Variants in EIF3A observed in about 807,000 individuals in gnomAD.
The protein encoded by EIF3A is eukaryotic translation initiation factor 3 subunit A.
EIF3A carries 21 observed loss-of-function variants against 186.6 expected under a neutral mutation model. The observed-to-expected ratio is 0.11, with a 90% CI of 0.08 to 0.16. The LOEUF is 0.16. Among genes scored for constraint, EIF3A ranks in the 10% least tolerant of loss-of-function variants. The pLI is 1.00. For synonymous variants in EIF3A, 563 were observed against 584.3 expected (o/e 0.96, Z 0.52); for missense variants, 1,306 against 1,796.3 (o/e 0.73, Z 4.93).
At chr10:119,048,165 G>GAGTAC (rs3061122) in intron 17 of EIF3A, among the ~76,000 whole-genome samples, 9,696 of 152,012 alleles carry the variant, frequency 0.064, 581 homozygotes, top group African/African-American at 0.16. Context: ...ACCAACCAAT[G>GAGTAC]AAAGGTCTGA....
intron 9 of EIF3A, chr10:119,060,251 C>T (rs1211052394): frequency 2.2e-6 from 1 of 452,694 alleles, no homozygotes; most frequent in East Asian, 6.1e-5. Flanking sequence ...TATGAAAAGG[C>T]TGTCTCATTC....
chr10:119,059,568 G>T (rs1303722331), intron 10 of EIF3A, 34 bp downstream of exon 10: 1 of 1,520,178 alleles, frequency 6.6e-7, no homozygotes, highest in South Asian at 1.1e-5. Flanking sequence ...AGCCCTCAAG[G>T]GCCTTCTCCT....
At chr10:119,041,166 AG>A (rs1240187232) in intron 19 of EIF3A, among the ~76,000 whole-genome samples, 2 of 152,148 alleles carry the variant, frequency 1.3e-5, no homozygotes, top group African/African-American at 4.8e-5. Flanking sequence ...AGACAGAGCA[AG>A]ACTCCACCTC....
intron 6 of EIF3A, among the ~76,000 whole-genome samples, chr10:119,067,504 T>C (rs779538377): frequency 2.0e-5 from 3 of 152,086 alleles, no homozygotes; most frequent in South Asian, 2.1e-4. Flanking sequence ...GGTGGAAGAA[T>C]AGTCTGAGCC....
At chr10:119,065,933 G>A (rs185263003) in intron 6 of EIF3A, among the ~76,000 whole-genome samples, 25 of 151,578 alleles carry the variant, frequency 1.6e-4, no homozygotes, top group East Asian at 5.9e-4. Flanking sequence ...TGGCTAACAC[G>A]GTGAAACCCC....
intron 19 of EIF3A, among the ~76,000 whole-genome samples, chr10:119,041,420 A>C (rs530910865): frequency 6.6e-6 from 1 of 152,026 alleles, no homozygotes; most frequent in South Asian, 2.1e-4. Context: ...AAAAAATAAA[A>C]TATTAGCAGG....
In EIF3A at chr10:119,038,355, T is replaced by C. The variant is rs1336390719; in HGVS notation, c.3611A>G (p.Asp1204Gly). The change falls in exon 20 of 22, where the codon GAC becomes GGC. Residue 1204 changes from aspartate (D) to glycine (G), a missense_variant. Around this residue, in one of 8 missense-constraint regions of EIF3A, gnomAD observed 331 missense variants for 365.8 expected, o/e 0.90. Transcript: ENST00000369144. Reference sequence around the variant, plus strand: ...ATCTCTGTCCCTTTCTTTTTCTCTGTCCCATTCACGTTCTTCTGATGGCCT... The same window carrying C: ...ATCTCTGTCCCTTTCTTTTTCTCTGCCCCATTCACGTTCTTCTGATGGCCT... ...ESRPSEEREWDREKERDRDNQ... is the reference protein window; with the variant it reads ...ESRPSEEREWGREKERDRDNQ... 1 of 1,614,220 alleles carries C rather than the reference T, an allele frequency of 6.2e-7. No homozygotes were observed. The highest frequency in any genetic ancestry group is 8.5e-7 in the Non-Finnish European group (1 of 1,180,022).
In EIF3A at chr10:119,037,147, T is replaced by C; in HGVS notation, c.3891A>G (p.Gly1297=). The change falls in exon 21 of 22, where the codon GGA becomes GGG. Residue 1297 remains glycine (G), a synonymous_variant. Coordinates refer to ENST00000369144, the MANE Select transcript of EIF3A (RefSeq NM_003750.4). ...RDLRDDRDRR[G]PPLRSEREEV... is the part of the protein sequence containing the mutation. The stretch of plus-strand genomic sequence containing the variant: ...CTTCACGTTCTGATCTGAGTGGAGG[T>C]CCTCTTCGGTCCCTGTCGTCTCTTA... The C allele has an allele frequency of 6.6e-7, 1 of 1,519,860 alleles. No homozygotes were observed. The highest frequency in any genetic ancestry group is 8.9e-7 in the Non-Finnish European group (1 of 1,124,258). The allele number at this position is 1,519,860 out of a possible 1,614,324, so 94.1% of individuals were successfully genotyped here.
chr10:119,039,308 A>G (rs1399555341), intron 19 of EIF3A, among the ~76,000 whole-genome samples: 6 of 152,194 alleles, frequency 3.9e-5, no homozygotes, highest in African/African-American at 1.4e-4. Context: ...TTTTATATAC[A>G]GTACATATAG....
chr10:119,065,651 G>C (rs914703925), intron 6 of EIF3A, 81 bp from the exon 7 acceptor site: 12 of 987,698 alleles, frequency 1.2e-5, no homozygotes, highest in African/African-American at 3.2e-5. Flanking sequence ...TTAATCTTAC[G>C]GTAAGGCGTG....
At chr10:119,065,657 G>T in intron 6 of EIF3A, 87 bp from the exon 7 acceptor site, 1 of 922,888 alleles carries the variant, frequency 1.1e-6, no homozygotes, top group Non-Finnish European at 1.7e-6. Context: ...TTACGGTAAG[G>T]CGTGCTAGTG....
chr10:119,071,490 C>CA, intron 4 of EIF3A, among the ~76,000 whole-genome samples: 1 of 152,078 alleles, frequency 6.6e-6, no homozygotes, highest in Non-Finnish European at 1.5e-5. Flanking sequence ...CTACATAATA[C>CA]AAATTGAGGG....
intron 14 of EIF3A, among the ~76,000 whole-genome samples, chr10:119,056,250 CG>C (rs1843781540): frequency 6.6e-6 from 1 of 152,036 alleles, no homozygotes; most frequent in Non-Finnish European, 1.5e-5. Context: ...TGTTTAGTCA[CG>C]AAAGACAACA....
intron 1 of EIF3A, among the ~76,000 whole-genome samples, chr10:119,075,792 C>A (rs1175825824): frequency 1.5e-5 from 2 of 132,916 alleles, no homozygotes; most frequent in Non-Finnish European, 3.1e-5. Context: ...CAGCTCACTG[C>A]AAGCTCCGCC....
intron 5 of EIF3A, 62 bp downstream of exon 5, chr10:119,070,823 AG>A: frequency 2.6e-6 from 3 of 1,166,472 alleles, no homozygotes; most frequent in East Asian, 2.4e-5. Context: ...CTATTCATTA[AG>A]GGGGGAGAAA....
intron 7 of EIF3A, among the ~76,000 whole-genome samples, chr10:119,063,294 GCTGCT>G (rs1843919778): frequency 6.6e-6 from 1 of 152,288 alleles, no homozygotes; most frequent in Admixed American, 6.5e-5. Flanking sequence ...TAGAAAAAAA[GCTGCT>G]CTGCAGGAAC....
In EIF3A at chr10:119,042,784, C is replaced by A; in HGVS notation, c.2748-12G>T. The A allele has an allele frequency of 6.4e-7, 1 of 1,554,466 alleles. No homozygotes were observed. The highest frequency in any genetic ancestry group is 1.2e-5 in the South Asian group (1 of 83,604). The stretch of plus-strand genomic sequence containing the variant: ...CACGTCTCCACTCCCTACACAGCAA[C>A]AAGAACAATTAAAAATATATAAAAT... On this transcript the variant is annotated splice_polypyrimidine_tract_variant and intron_variant, in intron 18 of 21. Coordinates refer to ENST00000369144, the MANE Select transcript of EIF3A (RefSeq NM_003750.4). The surrounding 1 kb of genome is among the most constrained non-coding windows in gnomAD (Gnocchi z 7.8).
chr10:119,056,634 T>C, intron 14 of EIF3A, 106 bp downstream of exon 14: 10 of 746,586 alleles, frequency 1.3e-5, no homozygotes, highest in Non-Finnish European at 2.2e-5. Context: ...AGAGCACCAT[T>C]TCTAGCAGAA....
intron 17 of EIF3A, among the ~76,000 whole-genome samples, chr10:119,044,942 CTTTTTTT>C (rs78342491): frequency 7.1e-6 from 1 of 140,520 alleles, no homozygotes; most frequent in Non-Finnish European, 1.5e-5. Flanking sequence ...ATTTTCTTTT[CTTTTTTT>C]TTTTTTTTTT....
Sources: allele counts gnomAD v4.1 joint callset (sites outside exome capture counted in the v4.1 genomes callset), GRCh38; gene constraint gnomAD v4.1.1; regional missense constraint gnomAD v4.1.1; non-coding constraint Gnocchi (gnomAD v3.1); transcripts MANE v1.5; gene names NCBI Gene and HGNC (gene_info 2026-07-23, HGNC 2026-07-21).